THADA: variants seen among roughly 807,000 people sequenced by gnomAD.
The protein encoded by THADA is tRNA (32-2'-O)-methyltransferase regulator THADA.
THADA carries 213 observed loss-of-function variants against 219.8 expected under a neutral mutation model. That is an observed-to-expected ratio of 0.97 (90% CI 0.87 to 1.09). THADA has a LOEUF of 1.09. Among genes scored for constraint, THADA ranks in the 50% least tolerant of loss-of-function variants. The pLI is 0.00. For synonymous variants in THADA, 1,018 were observed against 828.9 expected (o/e 1.23, Z -3.92); for missense variants, 2,956 against 2,311.3 (o/e 1.28, Z -5.72).
At chr2:43,321,388 C>T (rs979660687) in intron 30 of THADA, among the ~76,000 whole-genome samples, 2 of 152,176 alleles carry the variant, frequency 1.3e-5, no homozygotes, top group African/African-American at 2.4e-5. Flanking sequence ...TGTATTATCA[C>T]CTCTGCTATG....
chr2:43,389,286 T>A (rs1435694377), intron 29 of THADA, among the ~76,000 whole-genome samples: 2 of 152,142 alleles, frequency 1.3e-5, no homozygotes, highest in African/African-American at 4.8e-5. Flanking sequence ...AACTTAGAAA[T>A]TATATATTAT....
intron 29 of THADA, among the ~76,000 whole-genome samples, chr2:43,390,526 A>G (rs925688762): frequency 3.3e-5 from 5 of 152,212 alleles, no homozygotes; most frequent in Non-Finnish European, 5.9e-5. Context: ...CTATTCTGAC[A>G]TGCCAACTGC....
At chr2:43,516,711 A>C (rs1465930277) in intron 22 of THADA, among the ~76,000 whole-genome samples, 1 of 152,176 alleles carries the variant, frequency 6.6e-6, no homozygotes, top group Admixed American at 6.6e-5. Flanking sequence ...CCCTTGCCTA[A>C]TAAAAAGGCA....
intron 26 of THADA, among the ~76,000 whole-genome samples, chr2:43,454,802 G>C (rs1682786680): frequency 1.3e-5 from 2 of 152,172 alleles, no homozygotes; most frequent in Admixed American, 6.5e-5. Flanking sequence ...TTAGCTCCAA[G>C]TGTGATTAAC....
intron 28 of THADA, among the ~76,000 whole-genome samples, chr2:43,412,503 G>A (rs1676424763): frequency 6.6e-6 from 1 of 152,162 alleles, no homozygotes; most frequent in South Asian, 2.1e-4. Flanking sequence ...ATTTGCTAGT[G>A]TTCAGAGCCT....
intron 29 of THADA, among the ~76,000 whole-genome samples, chr2:43,388,087 G>A (rs1055686446): frequency 2.0e-5 from 3 of 152,200 alleles, no homozygotes; most frequent in Admixed American, 6.5e-5. Context: ...GTACATAAAC[G>A]TGCAATCTCA....
chr2:43,446,627 G>A (rs902999764), intron 26 of THADA, among the ~76,000 whole-genome samples: 1 of 152,174 alleles, frequency 6.6e-6, no homozygotes, highest in Non-Finnish European at 1.5e-5. Context: ...AGCTAAACCC[G>A]CCTGCCACAC....
At chr2:43,592,071 T>A (rs1282112958) in intron 2 of THADA, 25 bp from the exon 3 acceptor site, 4 of 1,491,196 alleles carry the variant, frequency 2.7e-6, no homozygotes, top group African/African-American at 1.4e-5. Context: ...CAAAAAAAAA[T>A]TTTCAATGAT....
chr2:43,524,121 G>T (rs1027903717), intron 22 of THADA, among the ~76,000 whole-genome samples: 1 of 152,200 alleles, frequency 6.6e-6, no homozygotes, highest in Admixed American at 6.5e-5. Context: ...GGCAAGCAAT[G>T]ATGTTTTTTA....
chr2:43,590,987 A>G, intron 3 of THADA, 33 bp from the exon 4 acceptor site: 5 of 1,585,796 alleles, frequency 3.2e-6, no homozygotes, highest in Non-Finnish European at 4.3e-6. Flanking sequence ...AATTTTTATA[A>G]TATCAAATAT....
chr2:43,266,674 G>A (rs1184979063), intron 36 of THADA, among the ~76,000 whole-genome samples: 1 of 152,178 alleles, frequency 6.6e-6, no homozygotes, highest in African/African-American at 2.4e-5. Flanking sequence ...AAAGCTTAGT[G>A]TGGGTGAAAG....
chr2:43,513,638 A>G (rs1378536298), intron 22 of THADA, among the ~76,000 whole-genome samples: 1 of 152,194 alleles, frequency 6.6e-6, no homozygotes, highest in Non-Finnish European at 1.5e-5. Flanking sequence ...GGGGACACCC[A>G]AAATACCACT....
At chr2:43,556,227 T>A (rs1697325238) in intron 17 of THADA, 118 bp downstream of exon 17, 1 of 1,506,976 alleles carries the variant, frequency 6.6e-7, no homozygotes, top group Middle Eastern at 2.5e-4. Context: ...TGCTCTTATA[T>A]GCTGATAAAC....
chr2:43,455,669 T>C (rs181338215), intron 26 of THADA, among the ~76,000 whole-genome samples: 1 of 152,296 alleles, frequency 6.6e-6, no homozygotes, highest in African/African-American at 2.4e-5. Context: ...CTATCCTGAA[T>C]AAGCAGTATT....
chr2:43,552,232 T>C lies in THADA; in HGVS notation c.2782A>G (p.Thr928Ala). Reference sequence around the variant, plus strand: ...AGAGATAACTTCTGCAAAGCTCCTGTTATACAGTGGACTCGCCCATACATT... The same window carrying C: ...AGAGATAACTTCTGCAAAGCTCCTGCTATACAGTGGACTCGCCCATACATT... ...FPMYGRVHCI[T>A]GALQKLSLNS... The change falls in exon 18 of 38, where the codon ACA becomes GCA. Residue 928 changes from threonine to alanine, a missense_variant. Coordinates refer to ENST00000405975, the MANE Select transcript of THADA (RefSeq NM_022065.5). The C allele has an allele frequency of 6.2e-7, 1 of 1,611,028 alleles. No homozygotes were observed. The highest frequency in any genetic ancestry group is 8.5e-7 in the Non-Finnish European group (1 of 1,179,102).
intron 29 of THADA, among the ~76,000 whole-genome samples, chr2:43,355,253 G>C (rs1668748422): frequency 6.6e-6 from 1 of 152,132 alleles, no homozygotes; most frequent in East Asian, 1.9e-4. Context: ...TATATACCTA[G>C]TAGTGGGATT....
At chr2:43,543,157 G>A (rs562070514) in intron 20 of THADA, among the ~76,000 whole-genome samples, 2 of 149,946 alleles carry the variant, frequency 1.3e-5, no homozygotes, top group Admixed American at 1.3e-4. Flanking sequence ...AGTTTACTGA[G>A]AATGATGATT....
chr2:43,507,080 C>T (rs1334395275), intron 23 of THADA, among the ~76,000 whole-genome samples: 1 of 152,080 alleles, frequency 6.6e-6, no homozygotes, highest in Non-Finnish European at 1.5e-5. Flanking sequence ...TAACACTAAG[C>T]AGATTTCCAC....
At chr2:43,591,855 C>T (rs569304725) in intron 3 of THADA, 97 bp downstream of exon 3, 11 of 697,070 alleles carry the variant, frequency 1.6e-5, no homozygotes, top group African/African-American at 1.3e-4. Context: ...AACTGATATG[C>T]AATAATTAGG....
Sources: gnomAD v4.1 joint callset for allele counts (sites outside exome capture counted in the v4.1 genomes callset) on GRCh38, gnomAD v4.1.1 for gene constraint, MANE v1.5 for transcripts, NCBI Gene and HGNC (gene_info 2026-07-23, HGNC 2026-07-21) for gene names.